Variants in ZFPM1 observed in about 807,000 individuals in gnomAD.
ZFPM1 encodes zinc finger protein ZFPM1.
Under a neutral mutation model 46.3 loss-of-function variants are expected in ZFPM1, and 28 were observed. The ratio of observed to expected loss-of-function variants is 0.60; its 90% confidence interval spans 0.45 to 0.83. ZFPM1 has a LOEUF of 0.83. Ranked by LOEUF, ZFPM1 falls within the 40% of genes least tolerant of loss-of-function variation. The pLI is 0.00. For missense variants in ZFPM1, 1,878 were observed against 1,432.4 expected, an observed-to-expected ratio of 1.31 and a Z score of -5.02; for synonymous variants, 957 against 675.9, an observed-to-expected ratio of 1.42 and a Z score of -6.45.
chr16:88,510,472 G>A (rs1194209376), intron 3 of ZFPM1, among the ~76,000 whole-genome samples: 1 of 152,246 alleles, frequency 6.6e-6, no homozygotes, highest in Non-Finnish European at 1.5e-5. Flanking sequence ...ATATGCAATG[G>A]CTGGAACTTC....
At position 88,533,768 on chromosome 16, in the gene ZFPM1, C is replaced by G. The variant is rs767236211; in HGVS notation, c.1810C>G (p.Arg604Gly). The change falls in exon 10 of 10, where the codon CGT (arginine) becomes GGT (glycine). Residue 604 changes from arginine (R) to glycine (G), a missense_variant. Arg to Gly is a moderately radical substitution (Grantham distance 125). Transcript: ENST00000319555. ...CAAGCGCCTCTACTGTTCAGGCCGC[C>G]GTGCGCCCGAGGACGCGCCTGCCGC... Reference protein sequence around the residue: ...VHKRLYCSGRRAPEDAPAARR... With the variant: ...VHKRLYCSGRGAPEDAPAARR... 1.4e-5 allele frequency: 20 copies of G among 1,383,322 alleles called. No homozygotes were observed. The highest frequency in any genetic ancestry group is 1.9e-5 in the Non-Finnish European group (20 of 1,054,980). The allele number at this position is 1,383,322 out of a possible 1,614,324, so 85.7% of individuals were successfully genotyped here. A position where few individuals can be genotyped will look rare whatever the true frequency, so the allele number is the denominator to read the frequency against.
At chr16:88,499,960 A>G (rs12185173) in intron 3 of ZFPM1, among the ~76,000 whole-genome samples, 27,504 of 152,252 alleles carry the variant, frequency 0.18, 2,762 homozygotes, top group East Asian at 0.28. Context: ...GTCTCCAGCC[A>G]TCCTGGTGGT....
At chr16:88,513,321 C>G (rs955822644) in intron 3 of ZFPM1, 16 of 152,296 alleles carry the variant, frequency 1.1e-4, no homozygotes, top group African/African-American at 3.6e-4. Context: ...AGACAAAGAC[C>G]CAGTTAAAAC....
intron 1 of ZFPM1, among the ~76,000 whole-genome samples, chr16:88,462,770 C>T (rs1907956109): frequency 2.0e-5 from 3 of 152,206 alleles, no homozygotes; most frequent in African/African-American, 4.8e-5. Context: ...CGTAAGGCAC[C>T]AGGCTGGGCT....
intron 1 of ZFPM1, among the ~76,000 whole-genome samples, chr16:88,484,475 A>G (rs1034408181): frequency 1.3e-5 from 2 of 151,928 alleles, no homozygotes; most frequent in Non-Finnish European, 2.9e-5. Flanking sequence ...CGGTTTCCAG[A>G]CTTTTCTTAT....
chr16:88,453,396 G>A lies in ZFPM1; in HGVS notation c.-243G>A, dbSNP rs111953964. ...GCGGCGAGTGCGCGGGAGCGGAGGAGCCGGCACCCGCCCGTCGGGCAGTCC... is the reference window on the plus strand; with the variant it reads ...GCGGCGAGTGCGCGGGAGCGGAGGAACCGGCACCCGCCCGTCGGGCAGTCC... On this transcript the variant is annotated 5_prime_UTR_variant, in exon 1 of 10. Transcript: ENST00000319555. 6.8e-6 allele frequency: 1 copy of A among 147,232 alleles called. No individual in the cohort carries two copies. The allele number at this position is 147,232 out of a possible 1,614,324, so 9.1% of individuals were successfully genotyped here.
intron 1 of ZFPM1, among the ~76,000 whole-genome samples, chr16:88,458,798 C>G (rs1482938886): frequency 6.6e-6 from 1 of 152,180 alleles, no homozygotes; most frequent in African/African-American, 2.4e-5. Context: ...AGCCACAGGT[C>G]TGCTCTCCAG....
chr16:88,501,251 A>G (rs71372769), intron 3 of ZFPM1, among the ~76,000 whole-genome samples: 4,746 of 57,940 alleles, frequency 0.082, 692 homozygotes, highest in Non-Finnish European at 0.087. Context: ...TCCCGCAGGT[A>G]CTGGTGATGA....
chr16:88,463,409 C>T (rs1438680240), intron 1 of ZFPM1, among the ~76,000 whole-genome samples: 1 of 152,248 alleles, frequency 6.6e-6, no homozygotes, highest in Non-Finnish European at 1.5e-5. Context: ...CCACAGGGCC[C>T]TCCCCCGGAT....
At chr16:88,515,182 A>T (rs1911221389) in intron 4 of ZFPM1, among the ~76,000 whole-genome samples, 1 of 152,244 alleles carries the variant, frequency 6.6e-6, no homozygotes, top group Admixed American at 6.5e-5. Flanking sequence ...ACTGGTATAT[A>T]GAAACCTGTA....
Position 88,532,544 on chromosome 16 carries a change from G to T in ZFPM1, c.947-70G>T, listed in dbSNP as rs945176940. The stretch of plus-strand genomic sequence containing the variant: ...ACAGATCACGGCCCTGGGCCCAGTC[G>T]CCTTCCTCATCCCTGGAGTCCCAAG... On this transcript the variant is annotated intron_variant, in intron 7 of 9. Transcript: ENST00000319555. 16 of 1,477,234 alleles carry T rather than the reference G, an allele frequency of 1.1e-5. 1 individual carries two copies. Among genetic ancestry groups the T allele is most frequent in the Non-Finnish European group, 1.1e-5 (12 of 1,089,940 alleles). The allele number at this position is 1,477,234 out of a possible 1,614,324, so 91.5% of individuals were successfully genotyped here.
chr16:88,533,669 C>A lies in ZFPM1; in HGVS notation c.1711C>A (p.Pro571Thr), dbSNP rs748637098. ...GAGGAQTGLF[P>T]GAPKGATCFE... ...CGGCGGCGCGCAGACCGGGCTCTTC[C>A]CCGGGGCCCCCAAGGGCGCTACGTG... Residue 571 changes from proline to threonine, a missense_variant, in exon 10 of 10, where the codon CCC (proline) becomes ACC (threonine). Physicochemically the swap from Pro to Thr is conservative, Grantham distance 38 (BLOSUM62 -1). Transcript: ENST00000319555. The A allele has an allele frequency of 6.7e-7, 1 of 1,486,906 alleles. No individual in the cohort carries two copies. The highest frequency in any genetic ancestry group is 2.8e-5 in the East Asian group (1 of 35,128). 92.1% of individuals were successfully genotyped at this position (1,486,906 alleles called of 1,614,324 possible).
intron 4 of ZFPM1, chr16:88,516,084 G>A (rs972904904): frequency 7.5e-6 from 3 of 398,302 alleles, no homozygotes; most frequent in African/African-American, 2.1e-5. Flanking sequence ...CGCACCCTAC[G>A]AGGAGGGTCC....
chr16:88,475,728 C>T (rs1177607839), intron 1 of ZFPM1, among the ~76,000 whole-genome samples: 5 of 152,186 alleles, frequency 3.3e-5, no homozygotes, highest in Admixed American at 3.3e-4. Flanking sequence ...CTGGCCACTG[C>T]CCACTGTCTG....
At chr16:88,514,638 C>T in intron 4 of ZFPM1, 118 bp downstream of exon 4, 1 of 1,309,926 alleles carries the variant, frequency 7.6e-7, no homozygotes, top group South Asian at 1.5e-5. Flanking sequence ...AAGATGTGGG[C>T]CTGAGATATT....
At chr16:88,465,824 G>C (rs1016964202) in intron 1 of ZFPM1, among the ~76,000 whole-genome samples, 18 of 152,230 alleles carry the variant, frequency 1.2e-4, no homozygotes, top group African/African-American at 4.1e-4. Context: ...TCCGAGATCC[G>C]GCGCTGATGG....
At chr16:88,517,508 A>AG (rs1370159834) in intron 4 of ZFPM1, among the ~76,000 whole-genome samples, 1 of 138,320 alleles carries the variant, frequency 7.2e-6, no homozygotes. Flanking sequence ...GGATGGATGG[A>AG]TGGATGGATG....
upstream of ZFPM1, among the ~76,000 whole-genome samples, chr16:88,452,729 G>C (rs767639127): frequency 6.6e-6 from 1 of 152,278 alleles, no homozygotes; most frequent in African/African-American, 2.4e-5. Flanking sequence ...GGGACCAAGG[G>C]CTGGGGGCGG....
intron 4 of ZFPM1, among the ~76,000 whole-genome samples, chr16:88,515,735 A>C (rs1401112437): frequency 6.6e-6 from 1 of 152,226 alleles, no homozygotes; most frequent in Admixed American, 6.5e-5. Context: ...AGTGGTGGTC[A>C]GTTTTCTCCA....
Sources: allele counts gnomAD v4.1 joint callset (sites outside exome capture counted in the v4.1 genomes callset), GRCh38; gene constraint gnomAD v4.1.1; transcripts MANE v1.5; gene names NCBI Gene and HGNC (gene_info 2026-07-23, HGNC 2026-07-21).